Variants in METTL16 observed in about 807,000 individuals in gnomAD.
METTL16 encodes RNA N(6)-adenosine-methyltransferase METTL16.
METTL16 carries 19 observed loss-of-function variants against 57.9 expected under a neutral mutation model. That is an observed-to-expected ratio of 0.33 (90% CI 0.23 to 0.48). The LOEUF is 0.48. METTL16 is among the 20% of genes least tolerant of loss of function. METTL16 has a pLI of 0.99. For missense variants in METTL16, 434 were observed against 691.5 expected, an observed-to-expected ratio of 0.63 and a Z score of 4.18; for synonymous variants, 246 against 255.6, an observed-to-expected ratio of 0.96 and a Z score of 0.36.
At chr17:2,467,928 A>C in intron 4 of METTL16, 52 bp from the exon 5 acceptor site, 2 of 1,275,286 alleles carry the variant, frequency 1.6e-6, no homozygotes, top group Non-Finnish European at 2.3e-6. Flanking sequence ...AGTGGTTCTA[A>C]AGTATAACCG....
intron 6 of METTL16, among the ~76,000 whole-genome samples, chr17:2,444,834 C>T (rs1431719799): frequency 6.6e-6 from 1 of 151,908 alleles, no homozygotes; most frequent in African/African-American, 2.4e-5. Flanking sequence ...CTGCCTCAGC[C>T]TCCCGAGTAG....
chr17:2,419,102 T>C lies in METTL16; in HGVS notation c.*868A>G, dbSNP rs1281361642. The C allele has an allele frequency of 6.4e-6, 1 of 156,056 alleles. No individual in the cohort carries two copies. Among genetic ancestry groups the C allele is most frequent in the African/African-American group, 2.4e-5 (1 of 41,458 alleles). 9.7% of individuals were successfully genotyped at this position (156,056 alleles called of 1,614,324 possible). A position where few individuals can be genotyped will look rare whatever the true frequency, so the allele number is the denominator to read the frequency against. Reference sequence around the variant, plus strand: ...TACGGCACATACTATTTTGTTCTATTTCTCATTTCTATCATCAGCCGCTCA... The same window carrying C: ...TACGGCACATACTATTTTGTTCTATCTCTCATTTCTATCATCAGCCGCTCA... On this transcript the variant is annotated 3_prime_UTR_variant, in exon 10 of 10. Transcript: ENST00000263092.
chr17:2,507,451 G>T (rs1430595666), intron 1 of METTL16, among the ~76,000 whole-genome samples: 1 of 150,056 alleles, frequency 6.7e-6, no homozygotes, highest in Non-Finnish European at 1.5e-5. Flanking sequence ...CGCCCCTACT[G>T]GGAAGTGAGG....
At chr17:2,430,458 C>G (rs1212363156) in intron 8 of METTL16, among the ~76,000 whole-genome samples, 1 of 146,646 alleles carries the variant, frequency 6.8e-6, no homozygotes, top group Non-Finnish European at 1.5e-5. Flanking sequence ...CTCTGTCGCC[C>G]AGGCTGGAGT....
chr17:2,457,141 G>A (rs1267352495), intron 6 of METTL16, among the ~76,000 whole-genome samples: 13 of 148,474 alleles, frequency 8.8e-5, no homozygotes, highest in Non-Finnish European at 1.5e-4. Flanking sequence ...AGATCATCCC[G>A]GCTAACACAG....
chr17:2,441,410 T>C, intron 7 of METTL16, 80 bp downstream of exon 7: 1 of 993,740 alleles, frequency 1.0e-6, no homozygotes, highest in Non-Finnish European at 1.4e-6. Flanking sequence ...ATGCAATATA[T>C]CAATGTAGCA....
At chr17:2,475,088 C>G (rs112840158) in intron 3 of METTL16, among the ~76,000 whole-genome samples, 3 of 152,272 alleles carry the variant, frequency 2.0e-5, no homozygotes, top group African/African-American at 7.2e-5. Flanking sequence ...TAAGGATTTG[C>G]CAGGAAGAAG....
intron 6 of METTL16, among the ~76,000 whole-genome samples, chr17:2,453,704 T>C (rs1250424574): frequency 6.6e-6 from 1 of 152,224 alleles, no homozygotes; most frequent in Non-Finnish European, 1.5e-5. Flanking sequence ...TTGCCAATTG[T>C]TCCACGAATC....
At position 2,416,477 on chromosome 17, in the gene METTL16, C is replaced by T. The variant is rs1028677234; in HGVS notation, c.*3493G>A. ...AAAATATATACTAAAGTAATCTACA[C>T]GAAGCTTAGGATGAGTTGAAAGGGT... is the stretch of plus-strand genomic sequence containing the variant. On this transcript the variant is annotated 3_prime_UTR_variant, in exon 10 of 10. Transcript: ENST00000263092. The T allele has an allele frequency of 9.9e-5, 15 of 152,136 alleles. No individual in the cohort carries two copies. The highest frequency in any genetic ancestry group is 4.6e-4 in the Admixed American group (7 of 15,270). 9.4% of individuals were successfully genotyped at this position (152,136 alleles called of 1,614,324 possible).
intron 2 of METTL16, among the ~76,000 whole-genome samples, chr17:2,479,891 AAAAGT>A (rs2067292609): frequency 6.6e-6 from 1 of 152,118 alleles, no homozygotes; most frequent in African/African-American, 2.4e-5. Context: ...CTCCACCTAT[AAAAGT>A]AAAGGACTGG....
chr17:2,471,555 C>T (rs566422178), intron 4 of METTL16, among the ~76,000 whole-genome samples: 10 of 151,992 alleles, frequency 6.6e-5, no homozygotes, highest in Non-Finnish European at 1.2e-4. Context: ...TTTGGGAGGC[C>T]GAGGCGGGCA....
At chr17:2,448,781 T>TAAAATAAAAAAAAAAAAAAAAAAAAAAA (rs2067040612) in intron 6 of METTL16, among the ~76,000 whole-genome samples, 1 of 33,696 alleles carries the variant, frequency 3.0e-5, no homozygotes, top group African/African-American at 9.8e-5. Flanking sequence ...AATAAAAAAA[T>TAAAATAAAAAAAAAAAAAAAAAAAAAAA]AAAAAAATAA....
At chr17:2,426,232 T>G (rs1345218936) in intron 8 of METTL16, among the ~76,000 whole-genome samples, 1 of 152,034 alleles carries the variant, frequency 6.6e-6, no homozygotes, top group African/African-American at 2.4e-5. Flanking sequence ...GGCCGTCTGT[T>G]TTTTAAAAGA....
At position 2,418,596 on chromosome 17, in the gene METTL16, A is replaced by G. The variant is rs1232588776; in HGVS notation, c.*1374T>C. 6.6e-6 allele frequency: 1 copy of G among 152,264 alleles called. No homozygotes were observed. Among genetic ancestry groups the G allele is most frequent in the African/African-American group, 2.4e-5 (1 of 41,442 alleles). The allele number at this position is 152,264 out of a possible 1,614,324, so 9.4% of individuals were successfully genotyped here. A position where few individuals can be genotyped will look rare whatever the true frequency, so the allele number is the denominator to read the frequency against. On this transcript the variant is annotated 3_prime_UTR_variant, in exon 10 of 10. Coordinates refer to ENST00000263092, the MANE Select transcript of METTL16 (RefSeq NM_024086.4). ...CAAGAGTAAAACTCCACCTCATAAC[A>G]AACAATCAATCAAAAAGCCACTGGT...
At chr17:2,425,676 C>A (rs1202641102) in intron 8 of METTL16, among the ~76,000 whole-genome samples, 1 of 151,700 alleles carries the variant, frequency 6.6e-6, no homozygotes, top group African/African-American at 2.4e-5. Flanking sequence ...GGGTGGTCTA[C>A]AAATTTCTTT....
At position 2,466,197 on chromosome 17, in the gene METTL16, A is replaced by C. The variant is rs34935011; in HGVS notation, c.585+1564T>G. ...GACAAGAGTAAGACTCTGTCACAAA[A>C]AAAAAAAAAAAAAAAGCCACTTAAC... On this transcript the variant is annotated intron_variant, in intron 5 of 9. Coordinates refer to ENST00000263092, the MANE Select transcript of METTL16 (RefSeq NM_024086.4). 1.1e-3 allele frequency among the ~76,000 whole-genome samples: 117 copies of C among 107,122 alleles called. 1 individual carries two copies. Among genetic ancestry groups the C allele is most frequent in the African/African-American group, 2.8e-3 (68 of 24,326 alleles). 70.3% of individuals were successfully genotyped at this position (107,122 alleles called of 152,430 possible).
chr17:2,511,296 C>G (rs951846661), intron 1 of METTL16, among the ~76,000 whole-genome samples: 4 of 151,790 alleles, frequency 2.6e-5, no homozygotes, highest in Admixed American at 2.0e-4. Context: ...TCAACTACCA[C>G]TCTCTTGATA....
intron 1 of METTL16, among the ~76,000 whole-genome samples, chr17:2,511,137 G>A (rs534745119): frequency 1.3e-5 from 2 of 151,698 alleles, no homozygotes; most frequent in Non-Finnish European, 2.9e-5. Flanking sequence ...TCAGCCCATG[G>A]ACTGGAACTT....
intron 4 of METTL16, among the ~76,000 whole-genome samples, chr17:2,472,262 C>T (rs560332040): frequency 7.2e-5 from 11 of 152,164 alleles, no homozygotes; most frequent in East Asian, 3.9e-4. Context: ...CCTATTAGAA[C>T]GGCCAAAATC....
Sources: allele counts gnomAD v4.1 joint callset (sites outside exome capture counted in the v4.1 genomes callset), GRCh38; gene constraint gnomAD v4.1.1; transcripts MANE v1.5; gene names NCBI Gene and HGNC (gene_info 2026-07-23, HGNC 2026-07-21).